Variants in DENND1A observed in about 807,000 individuals in gnomAD.
DENND1A encodes DENN domain containing 1A.
Under a neutral mutation model 113.7 loss-of-function variants are expected in DENND1A, and 51 were observed. That is an observed-to-expected ratio of 0.45 (90% CI 0.36 to 0.57). The LOEUF (loss-of-function observed/expected upper bound fraction) is 0.57. Ranked by LOEUF, DENND1A falls within the 20% of genes least tolerant of loss-of-function variation. The probability of loss-of-function intolerance (pLI) is 0.00; values close to 1 mark genes in which losing one functional copy is unlikely to be tolerated. For synonymous variants in DENND1A, 565 were observed against 570.8 expected (o/e 0.99, Z 0.14); for missense variants, 1,258 against 1,395.9 (o/e 0.90, Z 1.57).
chr9:123,515,724 C>A (rs978918284), intron 13 of DENND1A, among the ~76,000 whole-genome samples: 10 of 151,940 alleles, frequency 6.6e-5, no homozygotes, highest in African/African-American at 2.4e-4. Context: ...TTAAATTGTT[C>A]TTAAAATATT....
chr9:123,856,204 C>T (rs922102173), intron 2 of DENND1A, among the ~76,000 whole-genome samples: 7 of 152,220 alleles, frequency 4.6e-5, no homozygotes, highest in Middle Eastern at 3.4e-3. Context: ...ATCCTTAAGT[C>T]GAGGTACACG....
intron 10 of DENND1A, among the ~76,000 whole-genome samples, chr9:123,610,241 T>G (rs1428135231): frequency 1.3e-5 from 2 of 152,248 alleles, no homozygotes; most frequent in Admixed American, 1.3e-4. Context: ...TGTGTGTGTG[T>G]GTATACATTA....
intron 10 of DENND1A, among the ~76,000 whole-genome samples, chr9:123,628,566 C>T (rs989247682): frequency 4.6e-5 from 7 of 152,078 alleles, no homozygotes; most frequent in African/African-American, 7.2e-5. Flanking sequence ...ACAGAGCAAA[C>T]GCAAACATTT....
chr9:123,651,821 C>T (rs2062675523), intron 9 of DENND1A, among the ~76,000 whole-genome samples, 192 bp downstream of exon 9: 3 of 151,010 alleles, frequency 2.0e-5, no homozygotes, highest in African/African-American at 4.9e-5. Context: ...ATTGACTGTG[C>T]GACTACAGGA....
chr9:123,452,300 C>A lies in DENND1A; in HGVS notation c.1275G>T (p.Pro425=), dbSNP rs757052941. The change falls in exon 17 of 24, where the codon CCG becomes CCT. Residue 425 remains proline (P), a synonymous_variant. Transcript: ENST00000394215. ...CGAACTTGTAGACAGTCTTCATGGCCGGATTTGCTTTGGTCTTTACAGTAT... is the reference window on the plus strand; with the variant it reads ...CGAACTTGTAGACAGTCTTCATGGCAGGATTTGCTTTGGTCTTTACAGTAT... ...ILNTVKTKAN[P]AMKTVYKFAK... 1 of 1,614,202 alleles carries A rather than the reference C, an allele frequency of 6.2e-7. No individual in the cohort carries two copies. The highest frequency in any genetic ancestry group is 8.5e-7 in the Non-Finnish European group (1 of 1,180,046).
intron 3 of DENND1A, among the ~76,000 whole-genome samples, chr9:123,777,952 T>A (rs902079753): frequency 6.6e-6 from 1 of 152,052 alleles, no homozygotes; most frequent in Non-Finnish European, 1.5e-5. Context: ...CAGATTCTGA[T>A]AGAAAGAATA....
chr9:123,384,253 G>A (rs2042442517), intron 22 of DENND1A, among the ~76,000 whole-genome samples: 1 of 152,234 alleles, frequency 6.6e-6, no homozygotes. Flanking sequence ...AGACAGGACT[G>A]GAAGGGGGCT....
intron 22 of DENND1A, among the ~76,000 whole-genome samples, chr9:123,386,031 C>T (rs1024274868): frequency 3.5e-4 from 53 of 152,104 alleles, no homozygotes; most frequent in African/African-American, 3.4e-4. Flanking sequence ...GAGCCCTCGC[C>T]GTTATTTAAA....
intron 5 of DENND1A, among the ~76,000 whole-genome samples, chr9:123,694,643 T>A (rs1200139903): frequency 6.6e-6 from 1 of 152,220 alleles, no homozygotes; most frequent in Admixed American, 6.5e-5. Flanking sequence ...AGTAGTGCAG[T>A]CGCTGTTTTC....
At chr9:123,574,782 C>T (rs2058547341) in intron 12 of DENND1A, among the ~76,000 whole-genome samples, 3 of 152,180 alleles carry the variant, frequency 2.0e-5, no homozygotes, top group South Asian at 2.1e-4. Flanking sequence ...CAAAACAGAA[C>T]AGCCACAACA....
Position 123,538,809 on chromosome 9 carries a change from CATATATATATATAT to C in DENND1A, c.993+18747_993+18760del, listed in dbSNP as rs35223887. Among the ~76,000 whole-genome samples the C allele has an allele frequency of 6.1e-3, 136 of 22,464 alleles. 2 individuals are homozygous for C. Among genetic ancestry groups the C allele is most frequent in the African/African-American group, 7.2e-3 (38 of 5,284 alleles). 14.7% of individuals were successfully genotyped at this position (22,464 alleles called of 152,430 possible). ...ATGAATCCAAAGGTGACAACTCATA[CATATATATATATAT>C]ATATATATATATATATATATATATA... On this transcript the variant is annotated intron_variant, in intron 13 of 23. Transcript: ENST00000394215.
intron 5 of DENND1A, among the ~76,000 whole-genome samples, chr9:123,690,257 G>C (rs941290419): frequency 5.3e-5 from 8 of 152,244 alleles, no homozygotes; most frequent in Non-Finnish European, 8.8e-5. Context: ...ACTAATAGTG[G>C]TTTTTCTAGA....
chr9:123,483,880 GGTT>G (rs1255960883), intron 13 of DENND1A, among the ~76,000 whole-genome samples: 1 of 152,148 alleles, frequency 6.6e-6, no homozygotes, highest in East Asian at 1.9e-4. Context: ...CTCAGTTGTG[GGTT>G]GTTGTTCTTT....
chr9:123,742,539 G>A (rs1430575663), intron 5 of DENND1A, among the ~76,000 whole-genome samples: 1 of 152,198 alleles, frequency 6.6e-6, no homozygotes. Flanking sequence ...CCACAAGAGA[G>A]GCCATGCTCA....
intron 19 of DENND1A, among the ~76,000 whole-genome samples, chr9:123,417,181 G>C (rs2044802623): frequency 6.6e-6 from 1 of 152,168 alleles, no homozygotes; most frequent in Non-Finnish European, 1.5e-5. Context: ...ACGAGGTTCT[G>C]GTTTGATATC....
At chr9:123,431,264 T>A (rs1297601715) in intron 19 of DENND1A, among the ~76,000 whole-genome samples, 1 of 152,148 alleles carries the variant, frequency 6.6e-6, no homozygotes, top group African/African-American at 2.4e-5. Context: ...TTCTACTCTC[T>A]CACACACACC....
At position 123,690,954 on chromosome 9, in the gene DENND1A, G is replaced by A. The variant is rs558973924; in HGVS notation, c.303-14165C>T. On this transcript the variant is annotated intron_variant, in intron 5 of 23. Coordinates refer to ENST00000394215, the MANE Select transcript of DENND1A (RefSeq NM_001352964.2). ...TGTGCCATGCTTATCATGGATCTCA[G>A]TTCAGGGCAAGGATGGTGTGCTAAT... is the stretch of plus-strand genomic sequence containing the variant. Among the ~76,000 whole-genome samples the A allele has an allele frequency of 1.5e-3, 234 of 152,330 alleles. 9 individuals are homozygous for A. In the South Asian group the frequency reaches 0.046, roughly 30 times the overall value.
intron 2 of DENND1A, among the ~76,000 whole-genome samples, chr9:123,840,222 G>T (rs971045023): frequency 6.6e-6 from 1 of 151,610 alleles, no homozygotes; most frequent in African/African-American, 2.4e-5. Flanking sequence ...ATTTGCCCTG[G>T]ACATCATTAA....
chr9:123,641,550 T>C (rs1481210688), intron 9 of DENND1A, among the ~76,000 whole-genome samples: 1 of 151,758 alleles, frequency 6.6e-6, no homozygotes, highest in Non-Finnish European at 1.5e-5. Context: ...CAGATTATAC[T>C]CAGCTATGGT....
Sources: allele counts gnomAD v4.1 joint callset (sites outside exome capture counted in the v4.1 genomes callset), GRCh38; gene constraint gnomAD v4.1.1; transcripts MANE v1.5; gene names NCBI Gene and HGNC (gene_info 2026-07-23, HGNC 2026-07-21).